COL11A1: variants seen among roughly 807,000 people sequenced by gnomAD.
COL11A1 encodes the protein collagen type XI alpha 1 chain, also known as collagen alpha-1(XI) chain.
A neutral mutation model predicts 265.2 loss-of-function variants in COL11A1; 74 were observed. That is an observed-to-expected ratio of 0.28 (90% CI 0.23 to 0.34). COL11A1 has a LOEUF of 0.34. Ranked by LOEUF, COL11A1 falls within the 10% of genes least tolerant of loss-of-function variation. COL11A1 has a pLI of 1.00. For synonymous variants in COL11A1, 816 were observed against 727.6 expected (o/e 1.12, Z -1.96); for missense variants, 2,165 against 2,263.6 (o/e 0.96, Z 0.88).
intron 54 of COL11A1, among the ~76,000 whole-genome samples, chr1:102,907,855 T>C (rs1350569239): frequency 6.6e-6 from 1 of 152,058 alleles, no homozygotes; most frequent in Non-Finnish European, 1.5e-5. Context: ...TTAACAAGGA[T>C]AACAAAACAT....
chr1:102,969,483 G>A (rs1661747830), intron 37 of COL11A1, among the ~76,000 whole-genome samples: 1 of 152,144 alleles, frequency 6.6e-6, no homozygotes, highest in South Asian at 2.1e-4. Context: ...AATCCATGAT[G>A]ATTTCTGATT....
intron 44 of COL11A1, among the ~76,000 whole-genome samples, chr1:102,936,654 G>A (rs1221712494): frequency 6.6e-6 from 1 of 152,098 alleles, no homozygotes; most frequent in Non-Finnish European, 1.5e-5. Flanking sequence ...TCAACACTTT[G>A]AGGACCTTAC....
At chr1:102,904,380 T>G (rs1450075359) in intron 54 of COL11A1, among the ~76,000 whole-genome samples, 3 of 152,108 alleles carry the variant, frequency 2.0e-5, no homozygotes, top group Non-Finnish European at 4.4e-5. Flanking sequence ...AAATGGGATC[T>G]AATTAAACTA....
At chr1:103,056,723 G>A (rs1319797738) in intron 4 of COL11A1, among the ~76,000 whole-genome samples, 1 of 152,134 alleles carries the variant, frequency 6.6e-6, no homozygotes, top group African/African-American at 2.4e-5. Flanking sequence ...GATATCGCAT[G>A]TTCAGTTCCA....
At chr1:102,992,440 C>T (rs1025350328) in intron 28 of COL11A1, among the ~76,000 whole-genome samples, 1 of 151,904 alleles carries the variant, frequency 6.6e-6, no homozygotes, top group Non-Finnish European at 1.5e-5. Context: ...TGCTATATCA[C>T]CTTTGGTTAA....
Position 102,921,549 on chromosome 1 carries a change from G to C in COL11A1, c.3677C>G (p.Pro1226Arg), listed in dbSNP as rs1462477742. 3.1e-6 allele frequency: 5 copies of C among 1,612,980 alleles called. No individual in the cohort carries two copies. The highest frequency in any genetic ancestry group is 4.5e-5 in the East Asian group (2 of 44,842). ...GPMGPPGPPG[P>R]RGPQGPNGAD... Reference sequence around the variant, plus strand: ...TCCATTGGGACCTTGAGGGCCTCTTGGGCCTGGAGGACCAGGTGGCCCCTG... The same window carrying C: ...TCCATTGGGACCTTGAGGGCCTCTTCGGCCTGGAGGACCAGGTGGCCCCTG... The change falls in exon 48 of 67, where the codon CCA (proline) becomes CGA (arginine). Residue 1226 changes from proline (P) to arginine (R), a missense_variant. Coordinates refer to ENST00000370096, the MANE Select transcript of COL11A1 (RefSeq NM_001854.4).
intron 1 of COL11A1, among the ~76,000 whole-genome samples, chr1:103,097,612 A>G (rs1374220018): frequency 6.6e-6 from 1 of 152,004 alleles, no homozygotes; most frequent in Non-Finnish European, 1.5e-5. Flanking sequence ...GACCATAATC[A>G]CTACGAGGCA....
intron 5 of COL11A1, 22 bp downstream of exon 5, chr1:103,031,094 T>C: frequency 6.2e-7 from 1 of 1,612,708 alleles, no homozygotes; most frequent in Non-Finnish European, 8.5e-7. Context: ...ACGAAGACCT[T>C]CTCTGGTCTT....
intron 63 of COL11A1, chr1:102,884,702 A>G (rs917213021): frequency 6.6e-6 from 1 of 152,258 alleles, no homozygotes; most frequent in Non-Finnish European, 1.5e-5. Flanking sequence ...AGCCCACCCC[A>G]AGGGAGGAAT....
Position 103,108,302 on chromosome 1 carries a change from A to G in COL11A1, c.-124T>C, listed in dbSNP as rs896916681. ...ACAGCCATTGGGGAGGGAGAGGGGG[A>G]AAAAGTCAAAGGGCTTTTTCTTCTA... is the stretch of plus-strand genomic sequence containing the variant. On this transcript the variant is annotated 5_prime_UTR_variant, in exon 1 of 67. Transcript: ENST00000370096. 19 of 751,304 alleles carry G rather than the reference A, an allele frequency of 2.5e-5. No homozygotes were observed. The highest frequency in any genetic ancestry group is 3.5e-5 in the African/African-American group (2 of 57,666). The allele number at this position is 751,304 out of a possible 1,614,324, so 46.5% of individuals were successfully genotyped here.
chr1:102,930,124 CTA>C (rs1274394679), intron 46 of COL11A1, among the ~76,000 whole-genome samples: 1 of 152,168 alleles, frequency 6.6e-6, no homozygotes, highest in African/African-American at 2.4e-5. Flanking sequence ...ACTTTCAACA[CTA>C]TGTTGAATAG....
chr1:103,104,902 G>A (rs935276859), intron 1 of COL11A1, among the ~76,000 whole-genome samples: 5 of 152,130 alleles, frequency 3.3e-5, no homozygotes, highest in Non-Finnish European at 7.3e-5. Flanking sequence ...TACTCTGGAA[G>A]CCAGGACCAT....
intron 4 of COL11A1, among the ~76,000 whole-genome samples, chr1:103,058,437 C>A (rs772397125): frequency 6.0e-4 from 92 of 152,266 alleles, no homozygotes; most frequent in Non-Finnish European, 9.4e-4. Context: ...CTTTTAATTT[C>A]TTTAAAAATA....
chr1:102,959,408 T>C (rs574634806), intron 41 of COL11A1, among the ~76,000 whole-genome samples: 54 of 46,970 alleles, frequency 1.1e-3, no homozygotes, highest in African/African-American at 3.5e-3. Context: ...ATTTTCTCGC[T>C]CTTCAACGAT....
intron 4 of COL11A1, among the ~76,000 whole-genome samples, chr1:103,062,392 C>T (rs1670743962): frequency 6.6e-6 from 1 of 151,834 alleles, no homozygotes; most frequent in African/African-American, 2.4e-5. Flanking sequence ...ATACTACAGA[C>T]CAATATCTCT....
chr1:102,885,170 T>A (rs1024032622), intron 63 of COL11A1, among the ~76,000 whole-genome samples: 2 of 152,180 alleles, frequency 1.3e-5, no homozygotes, highest in Non-Finnish European at 2.9e-5. Flanking sequence ...TAAAATCAGA[T>A]AGCTTCCTCT....
intron 4 of COL11A1, among the ~76,000 whole-genome samples, chr1:103,049,750 T>C (rs1383126784): frequency 6.6e-6 from 1 of 152,256 alleles, no homozygotes; most frequent in East Asian, 1.9e-4. Context: ...ATTTTTCCTT[T>C]ACATGTTTAG....
In COL11A1 at chr1:102,910,092, T is replaced by C. The variant is rs1020392984; in HGVS notation, c.4086+2067A>G. ...TATGTGATAGTTATAGGTTTATATA[T>C]AAGTTTTGGGTCATATTATTATACT... On this transcript the variant is annotated intron_variant, in intron 54 of 66. Transcript: ENST00000370096. Among the ~76,000 whole-genome samples, 5 of 151,994 alleles carry C rather than the reference T, an allele frequency of 3.3e-5. No homozygotes were observed. The South Asian group carries it at 1.0e-3, about 31-fold the overall frequency.
At chr1:102,887,132 G>A in intron 62 of COL11A1, 76 bp from the exon 63 acceptor site, 1 of 1,581,566 alleles carries the variant, frequency 6.3e-7, no homozygotes, top group Non-Finnish European at 8.6e-7. Context: ...TACTGGTTAT[G>A]TTTTTGTTAT....
Sources: gnomAD v4.1 joint callset for allele counts (sites outside exome capture counted in the v4.1 genomes callset) on GRCh38, gnomAD v4.1.1 for gene constraint, MANE v1.5 for transcripts, NCBI Gene and HGNC (gene_info 2026-07-23, HGNC 2026-07-21) for gene names.